Variants in FANCD2 observed in about 807,000 individuals in gnomAD.
FANCD2 encodes Fanconi anemia group D2 protein.
In FANCD2, 131 loss-of-function variants were observed where a neutral mutation model predicts 192.3. The ratio of observed to expected loss-of-function variants is 0.68; its 90% CI spans 0.59 to 0.79. FANCD2 has a LOEUF of 0.79. FANCD2 is among the 30% of genes least tolerant of loss of function. The pLI, the probability that FANCD2 is intolerant of heterozygous loss-of-function variation, is 0.00. For synonymous variants in FANCD2, 524 were observed against 612.5 expected, an observed-to-expected ratio of 0.86 and a Z score of 2.13; for missense variants, 1,508 against 1,701.6, an observed-to-expected ratio of 0.89 and a Z score of 2.00.
rs2125059945 is a variant in FANCD2, at chr3:10,081,355, G to A, written c.3115G>A (p.Ala1039Thr). 6.2e-7 allele frequency: 1 copy of A among 1,613,804 alleles called. No homozygotes were observed. Among genetic ancestry groups the A allele is most frequent in the Non-Finnish European group, 8.5e-7 (1 of 1,179,702 alleles). Residue 1039 changes from alanine to threonine, a missense_variant, in exon 32 of 44, where the codon GCT (alanine) becomes ACT (threonine). By Grantham distance (58) the Ala-to-Thr change is moderately conservative (BLOSUM62 0). Transcript: ENST00000675286. ...NIHNYFQCLA[A>T]ENHGVVDGPG... The stretch of plus-strand genomic sequence containing the variant: ...TCATTTTTATTTTTAGTGTTTAGCT[G>A]CTGAGAATCACGGTGTAGTTGATGG...
At chr3:10,041,390 ATTGTGATGGAAGGCTTC>A in intron 9 of FANCD2, 1 of 443,210 alleles carries the variant, frequency 2.3e-6, no homozygotes, top group Non-Finnish European at 4.2e-6. Context: ...GGTAGTGGGG[ATTGTGATGGAAGGCTTC>A]TTGTTTCTAC....
intron 5 of FANCD2, 116 bp from the exon 6 acceptor site, chr3:10,035,057 A>G (rs1344616525): frequency 1.2e-6 from 1 of 850,756 alleles, no homozygotes; most frequent in African/African-American, 1.7e-5. Context: ...TTTCTTGTCT[A>G]ACAGGGTAGT....
chr3:10,081,061 C>T lies in FANCD2; in HGVS notation c.2977-39C>T, dbSNP rs45622438. ...GAACCCTTAGTTTCTGAGACGCTAT[C>T]CAGCAGTTTCTTCACTCATAACTCT... On this transcript the variant is annotated intron_variant, in intron 30 of 43. Transcript: ENST00000675286. 8.8e-3 allele frequency: 14,115 copies of T among 1,613,118 alleles called. 74 individuals are homozygous for T. Among genetic ancestry groups the T allele is most frequent in the Non-Finnish European group, 0.01 (12,105 of 1,179,610 alleles).
intron 30 of FANCD2, among the ~76,000 whole-genome samples, chr3:10,078,842 A>G (rs981751213): frequency 6.6e-6 from 1 of 151,700 alleles, no homozygotes; most frequent in Non-Finnish European, 1.5e-5. Context: ...TGGTGCAGCT[A>G]TAGTTCCAGC....
intron 33 of FANCD2, 147 bp downstream of exon 33, chr3:10,086,069 A>G (rs1694181138): frequency 1.5e-6 from 1 of 683,140 alleles, no homozygotes; most frequent in Non-Finnish European, 2.7e-6. Context: ...GAGCTTTCTC[A>G]TCTATGTATT....
rs567748795 is a variant in FANCD2 at position 10,054,815 on chromosome 3, C to T, written c.1656+2318C>T. On this transcript the variant is annotated intron_variant, in intron 18 of 43. Transcript: ENST00000675286. Reference sequence around the variant, plus strand: ...TCATATTTTTTATCTTTTTTTCCCCCCCTTTCTTGGATCCCCAGTCAGCAC... The same window carrying T: ...TCATATTTTTTATCTTTTTTTCCCCTCCTTTCTTGGATCCCCAGTCAGCAC... Among the ~76,000 whole-genome samples the T allele has an allele frequency of 7.3e-4, 111 of 151,436 alleles. 1 individual carries two copies. The South Asian group carries it at 0.018, about 25-fold the overall frequency.
chr3:10,085,877 G>T lies in FANCD2; in HGVS notation c.3290G>T (p.Arg1097Leu). ...LYSALHVLSS[R>L]LKQGEHSQPL... is the part of the protein sequence containing the mutation. Reference sequence around the variant, plus strand: ...TCAGCCCTCCATGTCCTTAGTAGCCGACTGAAACAGGGAGAACACAGCCAG... The same window carrying T: ...TCAGCCCTCCATGTCCTTAGTAGCCTACTGAAACAGGGAGAACACAGCCAG... Residue 1097 changes from arginine (R) to leucine (L), a missense_variant, in exon 33 of 44, where the codon CGA becomes CTA. Physicochemically the swap from Arg to Leu is moderately radical, Grantham distance 102 (BLOSUM62 -2). This residue lies in a region of FANCD2 where 796 missense variants were observed against 879.4 expected (regional missense o/e 0.91). Coordinates refer to ENST00000675286, the MANE Select transcript of FANCD2 (RefSeq NM_001018115.3). 1 of 1,613,606 alleles carries T rather than the reference G, an allele frequency of 6.2e-7. No individual in the cohort carries two copies. The highest frequency in any genetic ancestry group is 1.1e-5 in the South Asian group (1 of 91,028).
intron 16 of FANCD2, among the ~76,000 whole-genome samples, chr3:10,048,254 C>T (rs1036281096): frequency 1.3e-5 from 2 of 151,902 alleles, no homozygotes; most frequent in Non-Finnish European, 2.9e-5. Context: ...CTAAAATTCT[C>T]TGTCTGAAAT....
chr3:10,101,102 A>C, intron 43 of FANCD2, 86 bp from the exon 44 acceptor site: 1 of 1,008,082 alleles, frequency 9.9e-7, no homozygotes, highest in Non-Finnish European at 1.6e-6. Context: ...ATAATAGTAC[A>C]GTTGTGTATC....
rs925872494 is a variant in FANCD2, at chr3:10,039,837, A to G, written c.687A>G (p.Lys229=). The change falls in exon 9 of 44, where the codon AAA becomes AAG. Residue 229 remains lysine, a synonymous_variant. Coordinates refer to ENST00000675286, the MANE Select transcript of FANCD2 (RefSeq NM_001018115.3). ...ATTCCCAGCACGCTGATGTGGGGAA[A>G]GAACTCAGGTGGATAAACCCTCTGT... The part of the protein sequence containing the change: ...LGDSQHADVG[K]ELSDLLIENT... The G allele has an allele frequency of 6.2e-7, 1 of 1,614,056 alleles. No individual in the cohort carries two copies.
chr3:10,081,475 G>A lies in FANCD2; in HGVS notation c.3224+11G>A. 1 of 1,557,830 alleles carries A rather than the reference G, an allele frequency of 6.4e-7. No individual in the cohort carries two copies. Among genetic ancestry groups the A allele is most frequent in the South Asian group, 1.1e-5 (1 of 89,958 alleles). On this transcript the variant is annotated intron_variant, in intron 32 of 43. Coordinates refer to ENST00000675286, the MANE Select transcript of FANCD2 (RefSeq NM_001018115.3). ...TGGGCTTTTTGCTTGGTAAGTATGT[G>A]GGAAGTGTGGAGAGAACTGAGTATA...
intron 26 of FANCD2, among the ~76,000 whole-genome samples, chr3:10,069,980 C>T (rs933587663): frequency 4.7e-5 from 7 of 148,928 alleles, no homozygotes; most frequent in South Asian, 4.3e-4. Context: ...AAGTGAGGAG[C>T]GTCTCTGCCC....
chr3:10,054,458 TATATATATATA>T, intron 18 of FANCD2, among the ~76,000 whole-genome samples: 1 of 27,112 alleles, frequency 3.7e-5, no homozygotes, highest in Non-Finnish European at 8.2e-5. Context: ...TATATATATA[TATATATATATA>T]TATATTTTTT....
chr3:10,091,334 G>T (rs1694596263), intron 37 of FANCD2, among the ~76,000 whole-genome samples: 1 of 151,446 alleles, frequency 6.6e-6, no homozygotes, highest in Admixed American at 6.6e-5. Context: ...TCCCGCCTCA[G>T]CCTCCCAAAG....
intron 19 of FANCD2, among the ~76,000 whole-genome samples, chr3:10,061,582 A>G (rs575316437): frequency 1.0e-3 from 157 of 152,312 alleles, no homozygotes; most frequent in African/African-American, 3.7e-3. Context: ...TCATAGAGTC[A>G]TTGAGAACAT....
At chr3:10,042,416 TC>T in intron 10 of FANCD2, 142 bp from the exon 11 acceptor site, 1 of 705,132 alleles carries the variant, frequency 1.4e-6, no homozygotes, top group Non-Finnish European at 2.5e-6. Flanking sequence ...TGGGGAAAAA[TC>T]TAAAATTTTG....
intron 18 of FANCD2, among the ~76,000 whole-genome samples, chr3:10,056,222 T>C (rs1225852073): frequency 7.2e-5 from 11 of 152,224 alleles, no homozygotes; most frequent in African/African-American, 9.7e-5. Context: ...CATTCATCCA[T>C]TGATGGACAC....
At chr3:10,067,733 G>A (rs556888101) in intron 26 of FANCD2, among the ~76,000 whole-genome samples, 1 of 152,272 alleles carries the variant, frequency 6.6e-6, no homozygotes, top group East Asian at 1.9e-4. Context: ...GGGAGGCGGA[G>A]GTTGCAGTGA....
Position 10,101,321 on chromosome 3 carries a change from T to C in FANCD2, c.*59T>C. 1 of 1,303,938 alleles carries C rather than the reference T, an allele frequency of 7.7e-7. No individual in the cohort carries two copies. Among genetic ancestry groups the C allele is most frequent in the South Asian group, 1.2e-5 (1 of 85,026 alleles). 80.8% of individuals were successfully genotyped at this position (1,303,938 alleles called of 1,614,324 possible). On this transcript the variant is annotated 3_prime_UTR_variant, in exon 44 of 44. Coordinates refer to ENST00000675286, the MANE Select transcript of FANCD2 (RefSeq NM_001018115.3). The stretch of plus-strand genomic sequence containing the variant: ...CTGCCAGCCTGTGATCATTTTGTGT[T>C]AGAGTTTGAAATCCGCTGTTTGCCT...
Sources: gnomAD v4.1 joint callset for allele counts (sites outside exome capture counted in the v4.1 genomes callset) on GRCh38, gnomAD v4.1.1 for gene constraint, gnomAD v4.1.1 regional missense constraint, MANE v1.5 for transcripts, NCBI Gene and HGNC (gene_info 2026-07-23, HGNC 2026-07-21) for gene names.